Variants in SPAG17 observed in about 807,000 individuals in gnomAD.
SPAG17 encodes sperm associated antigen 17, also known as sperm-associated antigen 17.
SPAG17 carries 169 observed loss-of-function variants against 273.6 expected under a neutral mutation model. The observed-to-expected ratio is 0.62, with a 90% confidence interval of 0.55 to 0.70. The LOEUF (loss-of-function observed/expected upper bound fraction) is 0.70, where lower values mean the gene tolerates loss of function less well. SPAG17 is among the 30% of genes least tolerant of loss of function. The probability of loss-of-function intolerance (pLI) is 0.00; values close to 1 mark genes in which losing one functional copy is unlikely to be tolerated. For missense variants in SPAG17, 2,557 were observed against 2,627.8 expected (o/e 0.97, Z 0.59); for synonymous variants, 825 against 873.2 (o/e 0.94, Z 0.97).
At chr1:117,990,946 T>A (rs774241654) in intron 37 of SPAG17, 40 bp from the exon 38 acceptor site, 3 of 1,175,102 alleles carry the variant, frequency 2.6e-6, no homozygotes, top group Non-Finnish European at 3.6e-6. Context: ...ATTATATTAC[T>A]TACAAGACTT....
At chr1:118,091,784 C>A in intron 9 of SPAG17, 66 bp from the exon 10 acceptor site, 2 of 1,369,806 alleles carry the variant, frequency 1.5e-6, no homozygotes, top group Non-Finnish European at 2.1e-6. Flanking sequence ...ATCAAAATTT[C>A]ATGCATAATT....
chr1:118,075,987 C>G (rs914057194), intron 15 of SPAG17, among the ~76,000 whole-genome samples: 1 of 151,982 alleles, frequency 6.6e-6, no homozygotes, highest in Non-Finnish European at 1.5e-5. Flanking sequence ...GTCTCTCCAC[C>G]TCATATGTAA....
At chr1:118,104,218 G>T (rs1308434595) in intron 4 of SPAG17, among the ~76,000 whole-genome samples, 2 of 152,152 alleles carry the variant, frequency 1.3e-5, no homozygotes, top group Non-Finnish European at 2.9e-5. Flanking sequence ...GATGTATCTT[G>T]GATATTGAAA....
intron 28 of SPAG17, among the ~76,000 whole-genome samples, chr1:118,016,445 C>A (rs1399820117): frequency 1.3e-5 from 2 of 152,154 alleles, no homozygotes; most frequent in Non-Finnish European, 2.9e-5. Flanking sequence ...CTGTCTAGGG[C>A]ACAAAAAATA....
chr1:118,118,565 A>G (rs963339392), intron 3 of SPAG17, among the ~76,000 whole-genome samples: 1 of 152,222 alleles, frequency 6.6e-6, no homozygotes, highest in African/African-American at 2.4e-5. Flanking sequence ...TAACGGGCAA[A>G]TGAGACTTAT....
rs1028036936 is a variant in SPAG17 at position 118,093,086 on chromosome 1, C to T, written c.1173+70G>A. 5 of 1,484,788 alleles carry T rather than the reference C, an allele frequency of 3.4e-6. No individual in the cohort carries two copies. In the South Asian group the frequency reaches 3.9e-5, roughly 12 times the overall value. The allele number at this position is 1,484,788 out of a possible 1,614,324, so 92.0% of individuals were successfully genotyped here. A position where few individuals can be genotyped will look rare whatever the true frequency, so the allele number is the denominator to read the frequency against. On this transcript the variant is annotated intron_variant, in intron 8 of 48. Transcript: ENST00000336338. ...TTTATGTAACTTTTTCTTCATATGC[C>T]TTATAAATATGAAAATAAAGTTGTT...
chr1:118,119,181 T>TAG (rs746339186), intron 3 of SPAG17, among the ~76,000 whole-genome samples: 8 of 152,100 alleles, frequency 5.3e-5, no homozygotes, highest in Non-Finnish European at 1.0e-4. Context: ...ATATATAAGA[T>TAG]AGAGAGAGAG....
chr1:118,127,823 G>T (rs970430910), intron 3 of SPAG17, among the ~76,000 whole-genome samples: 2 of 152,048 alleles, frequency 1.3e-5, no homozygotes, highest in Non-Finnish European at 2.9e-5. Flanking sequence ...CATCTTCTTG[G>T]TTAAATTGAT....
intron 3 of SPAG17, among the ~76,000 whole-genome samples, chr1:118,138,461 G>A (rs1356843440): frequency 6.6e-6 from 1 of 152,084 alleles, no homozygotes; most frequent in South Asian, 2.1e-4. Context: ...AGGTTTCTAA[G>A]GCAGTGTTTT....
chr1:118,008,584 T>C (rs1659151871), intron 30 of SPAG17, among the ~76,000 whole-genome samples: 1 of 152,198 alleles, frequency 6.6e-6, no homozygotes, highest in Non-Finnish European at 1.5e-5. Context: ...ACAGATAATA[T>C]TGAAGTTTCT....
chr1:118,023,320 A>G lies in SPAG17; in HGVS notation c.4053T>C (p.Ile1351=). The change falls in exon 28 of 49, where the codon ATT becomes ATC. Residue 1351 remains isoleucine (I), a synonymous_variant. Transcript: ENST00000336338. ...AATTGTTACCTTTCTTTGTGTTGGT[A>G]ATCTCAGATGGTATCGTTTCTGATT... ...QQKSETIPSE[I]TNTKKGKSHK... 1 of 1,610,372 alleles carries G rather than the reference A, an allele frequency of 6.2e-7. No individual in the cohort carries two copies. Among genetic ancestry groups the G allele is most frequent in the Non-Finnish European group, 8.5e-7 (1 of 1,177,934 alleles).
At chr1:118,181,275 C>A (rs951655968) in intron 1 of SPAG17, among the ~76,000 whole-genome samples, 4 of 151,732 alleles carry the variant, frequency 2.6e-5, no homozygotes, top group African/African-American at 9.7e-5. Context: ...AAAAGTAAGT[C>A]TTTTCATACC....
intron 24 of SPAG17, among the ~76,000 whole-genome samples, chr1:118,036,191 AAAAG>A (rs981458325): frequency 2.2e-4 from 33 of 152,148 alleles, no homozygotes; most frequent in Non-Finnish European, 3.5e-4. Flanking sequence ...CTGTCTCAGA[AAAAG>A]AAAGAAAGAA....
intron 39 of SPAG17, 60 bp from the exon 40 acceptor site, chr1:117,987,941 A>AGGAAAGT: frequency 6.3e-7 from 1 of 1,582,846 alleles, no homozygotes; most frequent in Non-Finnish European, 8.7e-7. Flanking sequence ...TTAAAAACAA[A>AGGAAAGT]ACCAAAAACC....
intron 48 of SPAG17, among the ~76,000 whole-genome samples, chr1:117,956,139 T>G (rs770812707): frequency 1.9e-4 from 29 of 152,196 alleles, no homozygotes; most frequent in Non-Finnish European, 3.5e-4. Context: ...TCCTGTGAAT[T>G]TTTAGTTACC....
chr1:118,069,673 T>A (rs1302660778), intron 17 of SPAG17, among the ~76,000 whole-genome samples: 2 of 152,130 alleles, frequency 1.3e-5, no homozygotes, highest in African/African-American at 2.4e-5. Flanking sequence ...TTAAAAGATA[T>A]GGGCATCAGC....
At chr1:118,027,332 G>A (rs1242373215) in intron 26 of SPAG17, among the ~76,000 whole-genome samples, 4 of 152,078 alleles carry the variant, frequency 2.6e-5, no homozygotes, top group Non-Finnish European at 5.9e-5. Context: ...GCTTTTTTGC[G>A]GGGGAGGGAG....
intron 20 of SPAG17, among the ~76,000 whole-genome samples, chr1:118,047,992 C>G (rs1156236360): frequency 6.6e-6 from 1 of 152,118 alleles, no homozygotes; most frequent in Non-Finnish European, 1.5e-5. Flanking sequence ...TTCCTGTGAA[C>G]CTTGGCTCTA....
intron 45 of SPAG17, among the ~76,000 whole-genome samples, chr1:117,970,503 T>A (rs999750712): frequency 6.6e-6 from 1 of 152,198 alleles, no homozygotes; most frequent in East Asian, 1.9e-4. Flanking sequence ...TGGAAGGCAG[T>A]GGAGCATGGG....
Sources: gnomAD v4.1 joint callset for allele counts (sites outside exome capture counted in the v4.1 genomes callset) on GRCh38, gnomAD v4.1.1 for gene constraint, MANE v1.5 for transcripts, NCBI Gene and HGNC (gene_info 2026-07-23, HGNC 2026-07-21) for gene names.